The following PHF8 variants were observed in gnomAD, a reference collection of about 807,000 sequenced individuals.
The protein encoded by PHF8 is PHD finger protein 8.
In PHF8, 9 loss-of-function variants were observed where a neutral mutation model predicts 74.4. That is an observed-to-expected ratio of 0.12 (90% CI 0.07 to 0.21). The LOEUF (loss-of-function observed/expected upper bound fraction) is 0.21. PHF8 is among the 10% of genes least tolerant of loss of function. The pLI is 1.00. For missense variants in PHF8, 478 were observed against 816.6 expected, an observed-to-expected ratio of 0.59 and a Z score of 5.05; for synonymous variants, 311 against 316.6, an observed-to-expected ratio of 0.98 and a Z score of 0.19.
At chrX:53,996,220 G>A (rs1174663915) in intron 11 of PHF8, among the ~76,000 whole-genome samples, 1 of 109,953 alleles carries the variant, frequency 9.1e-6, no homozygotes, top group Admixed American at 9.7e-5. Context: ...GGGTTCAAGC[G>A]ATTCTCCTGC....
chrX:53,972,033 A>C (rs1359529297), intron 18 of PHF8, among the ~76,000 whole-genome samples: 3 of 111,599 alleles, frequency 2.7e-5, no homozygotes, highest in Non-Finnish European at 5.6e-5. Context: ...CAACAAAAAA[A>C]GAAAACTTCG....
intron 8 of PHF8, among the ~76,000 whole-genome samples, chrX:54,005,503 C>T (rs2065884782): frequency 9.6e-6 from 1 of 103,638 alleles, no homozygotes; most frequent in African/African-American, 3.5e-5. Context: ...AAAAATTTCA[C>T]ATATACAGCA....
intron 2 of PHF8, among the ~76,000 whole-genome samples, chrX:54,037,217 G>C (rs2066478510): frequency 9.0e-6 from 1 of 111,343 alleles, no homozygotes; most frequent in Non-Finnish European, 1.9e-5. Flanking sequence ...TAGCAAGTCT[G>C]ACAAATACGA....
At position 53,985,023 on chromosome X, in the gene PHF8, C is replaced by T. The variant is rs146772565; in HGVS notation, c.2334G>A (p.Arg778=). The T allele has an allele frequency of 4.4e-4, 535 of 1,209,381 alleles. No homozygotes were observed. The highest frequency in any genetic ancestry group is 5.5e-4 in the Non-Finnish European group (495 of 894,636). Residue 778 remains arginine, a synonymous_variant, in exon 18 of 22, where the codon CGG becomes CGA. Coordinates refer to ENST00000338154, the MANE Select transcript of PHF8 (RefSeq NM_015107.3). The part of the protein sequence containing the change: ...SPASQRTPGK[R]PIKRPAYWRT... ...TCCAGTATGCTGGCCGCTTGATGGGCCGCTTCCCTGGGGTGCGCTGGGAAG... is the reference window on the plus strand; with the variant it reads ...TCCAGTATGCTGGCCGCTTGATGGGTCGCTTCCCTGGGGTGCGCTGGGAAG...
chrX:54,048,683 T>C (rs1203994988), upstream of PHF8, among the ~76,000 whole-genome samples: 1 of 112,319 alleles, frequency 8.9e-6, no homozygotes, highest in Non-Finnish European at 1.9e-5. Flanking sequence ...ACTGGTCCAG[T>C]CTCAGAGGAT....
At chrX:53,955,198 TTC>T (rs1191146246) in intron 19 of PHF8, among the ~76,000 whole-genome samples, 1 of 111,470 alleles carries the variant, frequency 9.0e-6, no homozygotes, top group Non-Finnish European at 1.9e-5. Flanking sequence ...TTTTAGTTGA[TTC>T]TCTTTCATTT....
chrX:53,944,607 A>G (rs2064803433), intron 19 of PHF8: 2 of 179,851 alleles, frequency 1.1e-5, no homozygotes, highest in Non-Finnish European at 2.1e-5. Context: ...AGTCCTAGCT[A>G]CTTGGGAGGC....
At chrX:53,953,917 G>A (rs1220240061) in intron 19 of PHF8, among the ~76,000 whole-genome samples, 1 of 111,217 alleles carries the variant, frequency 9.0e-6, no homozygotes, top group African/African-American at 3.3e-5. Context: ...GATGAAAAAA[G>A]AGATAACAAT....
chrX:53,992,870 G>C (rs1257657094), intron 13 of PHF8, 31 bp from the exon 14 acceptor site: 2 of 952,495 alleles, frequency 2.1e-6, no homozygotes, highest in Non-Finnish European at 3.0e-6. Flanking sequence ...GCCGTTACCT[G>C]TCTGGGACTC....
intron 20 of PHF8, chrX:53,942,705 C>T (rs2064770775): frequency 1.4e-6 from 1 of 736,709 alleles, no homozygotes; most frequent in African/African-American, 2.3e-5. Flanking sequence ...AGAAAAAGGC[C>T]TCTGAAATAA....
Position 53,987,568 on chromosome X carries a change from G to A in PHF8, c.1909+198C>T, listed in dbSNP as rs190784980. Among the ~76,000 whole-genome samples the A allele has an allele frequency of 7.6e-4, 85 of 111,796 alleles. 1 individual carries two copies. The highest frequency in any genetic ancestry group is 2.7e-3 in the African/African-American group (82 of 30,802). ...CTACTAAAAATACAAAATTAGCCAG[G>A]CATGGTGGCACATGCCTGTAATCCC... On this transcript the variant is annotated intron_variant, in intron 15 of 21. Transcript: ENST00000338154.
chrX:53,961,385 T>A (rs1208884189), intron 19 of PHF8, among the ~76,000 whole-genome samples: 1 of 109,122 alleles, frequency 9.2e-6, no homozygotes, highest in African/African-American at 3.3e-5. Context: ...TGGAGTGCAA[T>A]GGTGCAATCT....
intron 18 of PHF8, among the ~76,000 whole-genome samples, chrX:53,966,285 G>A (rs1308457749): frequency 9.0e-6 from 1 of 111,524 alleles, no homozygotes; most frequent in Non-Finnish European, 1.9e-5. Flanking sequence ...ATGCCGAGCT[G>A]AAGCTGGACT....
chrX:53,944,308 T>C, intron 19 of PHF8, 65 bp from the exon 20 acceptor site: 1 of 810,026 alleles, frequency 1.2e-6, no homozygotes, highest in Non-Finnish European at 1.9e-6. Context: ...CCATATTCCC[T>C]ACCTCCAAGC....
chrX:53,985,914 C>T lies in PHF8; in HGVS notation c.2031G>A (p.Gly677=). The change falls in exon 17 of 22, where the codon GGG becomes GGA. Residue 677 remains glycine, a synonymous_variant. Coordinates refer to ENST00000338154, the MANE Select transcript of PHF8 (RefSeq NM_015107.3). ...TACCATTCCCAAGCTTGCCTTCAAC[C>T]CCTTCCACCATGTCCTCATCTGTTG... ...DYTTDEDMVE[G]VEGKLGNGSG... is the part of the protein sequence containing the mutation. 8.3e-7 allele frequency: 1 copy of T among 1,208,545 alleles called. No individual in the cohort carries two copies. Among genetic ancestry groups the T allele is most frequent in the Non-Finnish European group, 1.1e-6 (1 of 892,838 alleles).
chrX:53,957,134 C>T (rs1220466091), intron 19 of PHF8, among the ~76,000 whole-genome samples: 1 of 104,641 alleles, frequency 9.6e-6, no homozygotes, highest in African/African-American at 3.5e-5. Context: ...ATCACAAGGA[C>T]AAGGGATCGA....
intron 14 of PHF8, among the ~76,000 whole-genome samples, chrX:53,988,390 C>G (rs1469210627): frequency 9.0e-6 from 1 of 111,123 alleles, no homozygotes; most frequent in East Asian, 2.8e-4. Flanking sequence ...ACCCTTATCT[C>G]ACATCATATA....
At chrX:53,945,400 C>A (rs1392788707) in intron 19 of PHF8, among the ~76,000 whole-genome samples, 6 of 107,353 alleles carry the variant, frequency 5.6e-5, no homozygotes, top group Non-Finnish European at 1.2e-4. Context: ...GTCCCAGCTG[C>A]TCAGGAGGCT....
intron 8 of PHF8, among the ~76,000 whole-genome samples, chrX:54,004,159 C>T (rs1452960446): frequency 8.9e-6 from 1 of 111,793 alleles, no homozygotes; most frequent in East Asian, 2.8e-4. Context: ...ACCAAGATGT[C>T]AATTAATTAA....
Sources: gnomAD v4.1 joint callset for allele counts (sites outside exome capture counted in the v4.1 genomes callset) on GRCh38, gnomAD v4.1.1 for gene constraint, MANE v1.5 for transcripts, NCBI Gene and HGNC (gene_info 2026-07-23, HGNC 2026-07-21) for gene names.